Variants in CD226 observed in about 807,000 individuals in gnomAD.
CD226 encodes the protein CD226 molecule.
Under a neutral mutation model 34.9 loss-of-function variants are expected in CD226, and 24 were observed. That is an observed-to-expected ratio of 0.69 (90% CI 0.50 to 0.97). CD226 has a LOEUF of 0.97. CD226 is among the 50% of genes least tolerant of loss of function. The pLI is 0.00. For missense variants in CD226, 397 were observed against 412.7 expected, an observed-to-expected ratio of 0.96 and a Z score of 0.33; for synonymous variants, 148 against 147.4, an observed-to-expected ratio of 1.00 and a Z score of -0.03.
intron 3 of CD226, among the ~76,000 whole-genome samples, chr18:69,878,987 T>C (rs1984047859): frequency 1.3e-5 from 2 of 152,084 alleles, no homozygotes. Context: ...AGACATCACA[T>C]GTTGGCAGGT....
chr18:69,947,257 T>C (rs2055805277), intron 1 of CD226, 104 bp downstream of exon 1: 3 of 953,534 alleles, frequency 3.1e-6, no homozygotes, highest in East Asian at 4.8e-5. Context: ...AAGTGAGAAA[T>C]TATCCTAGCC....
intron 2 of CD226, among the ~76,000 whole-genome samples, chr18:69,932,684 C>T (rs1880869787): frequency 6.6e-6 from 1 of 152,238 alleles, no homozygotes; most frequent in Non-Finnish European, 1.5e-5. Context: ...GACCACGCTT[C>T]AGTCCGTTCT....
chr18:69,867,935 GAAGAGT>G (rs1273875118), intron 4 of CD226, among the ~76,000 whole-genome samples: 1 of 152,168 alleles, frequency 6.6e-6, no homozygotes, highest in African/African-American at 2.4e-5. Flanking sequence ...GTGTGAAGAG[GAAGAGT>G]AACTTGTCCC....
At position 69,858,092 on chromosome 18, in the gene CD226, T is replaced by C. The variant is rs528336469; in HGVS notation, c.*6222A>G. 6.6e-6 allele frequency: 1 copy of C among 152,334 alleles called. No individual in the cohort carries two copies. The highest frequency in any genetic ancestry group is 1.9e-4 in the East Asian group (1 of 5,184). 9.4% of individuals were successfully genotyped at this position (152,334 alleles called of 1,614,324 possible). ...CCCTAATATCCAAATGCAATGTCAA[T>C]AGTGTTACTAAAAATGAACTATCGG... is the stretch of plus-strand genomic sequence containing the variant. On this transcript the variant is annotated 3_prime_UTR_variant, in exon 6 of 6. Coordinates refer to ENST00000582621, the MANE Select transcript of CD226 (RefSeq NM_001303618.2).
intron 2 of CD226, among the ~76,000 whole-genome samples, chr18:69,910,275 T>C (rs1480379619): frequency 6.6e-6 from 1 of 152,172 alleles, no homozygotes; most frequent in Non-Finnish European, 1.5e-5. Context: ...GACTTCACAG[T>C]GGGAAAACGT....
intron 3 of CD226, among the ~76,000 whole-genome samples, chr18:69,879,354 C>G (rs147273436): frequency 1.8e-4 from 28 of 152,052 alleles, no homozygotes; most frequent in Admixed American, 4.6e-4. Context: ...AGACACCCCC[C>G]GCTGAGAGGC....
At chr18:69,960,883 T>G (rs1159977293), upstream of CD226, among the ~76,000 whole-genome samples, 1 of 152,222 alleles carries the variant, frequency 6.6e-6, no homozygotes, top group East Asian at 1.9e-4. Context: ...AAATCTCAAT[T>G]CAATTTTGAA....
intron 2 of CD226, among the ~76,000 whole-genome samples, chr18:69,902,166 T>C (rs1190617634): frequency 6.6e-6 from 1 of 152,116 alleles, no homozygotes; most frequent in African/African-American, 2.4e-5. Flanking sequence ...TGCTAAACTC[T>C]CTCCTGTATC....
rs1982867036 is a variant in CD226, at chr18:69,862,237, CT to C, written c.*2076del. The C allele has an allele frequency of 6.6e-6, 1 of 152,164 alleles. No individual in the cohort carries two copies. The highest frequency in any genetic ancestry group is 2.4e-5 in the African/African-American group (1 of 41,462). The allele number at this position is 152,164 out of a possible 1,614,324, so 9.4% of individuals were successfully genotyped here. ...GGATTTATATTTCCCCATACTACAA[CT>C]GTAAAAATGTTTTCCTGCTCACATA... is the stretch of plus-strand genomic sequence containing the variant. On this transcript the variant is annotated 3_prime_UTR_variant, in exon 6 of 6. Coordinates refer to ENST00000582621, the MANE Select transcript of CD226 (RefSeq NM_001303618.2).
At position 69,888,417 on chromosome 18, in the gene CD226, T is replaced by TC. The variant is rs5825979; in HGVS notation, c.727+7283_727+7284insG. Reference sequence around the variant, plus strand: ...GCACTGACTATTTTTTTCCTTTCTCTTTTTTTTTTTTTTTTTTTGGAGACA... The same window carrying TC: ...GCACTGACTATTTTTTTCCTTTCTCTCTTTTTTTTTTTTTTTTTTGGAGACA... On this transcript the variant is annotated intron_variant, in intron 3 of 5. Transcript: ENST00000582621. Among the ~76,000 whole-genome samples, 9 of 10,720 alleles carry TC rather than the reference T, an allele frequency of 8.4e-4. No homozygotes were observed. In the East Asian group the frequency reaches 0.025, roughly 29 times the overall value. The allele number at this position is 10,720 out of a possible 152,430, so 7.0% of individuals were successfully genotyped here.
chr18:69,941,155 G>A (rs2145355750), intron 2 of CD226, among the ~76,000 whole-genome samples: 1 of 152,334 alleles, frequency 6.6e-6, no homozygotes, highest in Middle Eastern at 3.4e-3. Context: ...GAAACACCTG[G>A]GTGTCCATTC....
chr18:69,929,193 T>C (rs2055559717), intron 2 of CD226, among the ~76,000 whole-genome samples: 1 of 152,250 alleles, frequency 6.6e-6, no homozygotes, highest in Admixed American at 6.5e-5. Context: ...GTATTAATAG[T>C]CCATCCAGAT....
At chr18:69,881,673 T>C (rs751704831) in intron 3 of CD226, among the ~76,000 whole-genome samples, 14 of 152,214 alleles carry the variant, frequency 9.2e-5, no homozygotes, top group Non-Finnish European at 1.5e-4. Context: ...GTTTCTATTT[T>C]TTTCATGTTG....
intron 1 of CD226, 44 bp from the exon 2 acceptor site, chr18:69,947,113 A>G (rs927008117): frequency 1.4e-6 from 2 of 1,472,592 alleles, no homozygotes; most frequent in South Asian, 1.2e-5. Flanking sequence ...TTGATGATGG[A>G]AACACCAAAT....
At chr18:69,886,716 T>TA (rs1568169501) in intron 3 of CD226, among the ~76,000 whole-genome samples, 1 of 149,082 alleles carries the variant, frequency 6.7e-6, no homozygotes, top group African/African-American at 2.5e-5. Context: ...AAAAAAAAAA[T>TA]AAAAATAAAA....
rs914420955 is a variant in CD226 at position 69,899,375 on chromosome 18, C to T, written c.383-3330G>A. 4.6e-5 allele frequency among the ~76,000 whole-genome samples: 7 copies of T among 152,212 alleles called. No homozygotes were observed. In the East Asian group the frequency reaches 9.6e-4, roughly 21 times the overall value. On this transcript the variant is annotated intron_variant, in intron 2 of 5. Coordinates refer to ENST00000582621, the MANE Select transcript of CD226 (RefSeq NM_001303618.2). ...CCCTGAGTCATTTTACTGTCAGCTT[C>T]GTAAACCCAAGCCTCTGTATAGCTA...
Position 69,864,319 on chromosome 18 carries a change from C to T in CD226, c.1006G>A (p.Val336Ile), listed in dbSNP as rs190695222. ...PTFSRRPKTR[V>I] is the part of the protein sequence containing the mutation. ...CACTCATGTCAAGAATAAGCTTAAA[C>T]TCTAGTCTTTGGTCTGCGAGAGAAG... Residue 336 changes from valine (V) to isoleucine (I), a missense_variant, in exon 6 of 6, where the codon GTT becomes ATT. Coordinates refer to ENST00000582621, the MANE Select transcript of CD226 (RefSeq NM_001303618.2). 5.6e-6 allele frequency: 9 copies of T among 1,613,782 alleles called. No individual in the cohort carries two copies. Among genetic ancestry groups the T allele is most frequent in the East Asian group, 2.2e-5 (1 of 44,820 alleles).
upstream of CD226, among the ~76,000 whole-genome samples, chr18:69,952,539 C>T (rs1227583760): frequency 2.0e-5 from 3 of 152,208 alleles, no homozygotes; most frequent in Non-Finnish European, 2.9e-5. Flanking sequence ...CCTGGGACAA[C>T]TGGATAGCCA....
intron 2 of CD226, among the ~76,000 whole-genome samples, chr18:69,931,280 C>T (rs1316150230): frequency 1.3e-5 from 2 of 151,634 alleles, no homozygotes; most frequent in African/African-American, 2.4e-5. Flanking sequence ...ATACCTAATG[C>T]TAAATGACAA....
Sources: allele counts gnomAD v4.1 joint callset (sites outside exome capture counted in the v4.1 genomes callset), GRCh38; gene constraint gnomAD v4.1.1; transcripts MANE v1.5; gene names NCBI Gene and HGNC (gene_info 2026-07-23, HGNC 2026-07-21).